Variants in SLC24A3 observed in about 807,000 individuals in gnomAD.
SLC24A3 encodes the protein sodium/potassium/calcium exchanger 3.
SLC24A3 carries 28 observed loss-of-function variants against 75.8 expected under a neutral mutation model. The observed-to-expected ratio is 0.37, with a 90% CI of 0.27 to 0.51. The LOEUF is 0.51. SLC24A3 is among the 20% of genes least tolerant of loss of function. The pLI is 0.94. For synonymous variants in SLC24A3, 372 were observed against 334.1 expected (o/e 1.11, Z -1.24); for missense variants, 663 against 847.8 (o/e 0.78, Z 2.71).
chr20:19,488,901 C>G (rs1338854086), intron 2 of SLC24A3, among the ~76,000 whole-genome samples: 1 of 152,184 alleles, frequency 6.6e-6, no homozygotes. Flanking sequence ...TCTCAGCCCA[C>G]CAATGTGGCA....
chr20:19,669,272 C>A (rs2032436505), intron 8 of SLC24A3, among the ~76,000 whole-genome samples: 1 of 152,144 alleles, frequency 6.6e-6, no homozygotes, highest in South Asian at 2.1e-4. Flanking sequence ...GAGGCTGAGG[C>A]AGGTGGATCA....
In SLC24A3 at chr20:19,280,991, A is replaced by C; in HGVS notation, c.175A>C (p.Arg59=). 1 of 1,614,042 alleles carries C rather than the reference A, an allele frequency of 6.2e-7. No individual in the cohort carries two copies. ...CCTCATGGACCTCGTAGGGGAAGAC[A>C]GAAAGTGGATGATGGCGAGGAAGCT... ...LDLMDLVGED[R]KWMMARKLMQ... Residue 59 remains arginine (R), a synonymous_variant, in exon 2 of 17, where the codon AGA becomes CGA. Transcript: ENST00000328041.
intron 6 of SLC24A3, among the ~76,000 whole-genome samples, chr20:19,646,870 T>TGTGTGTGTGTGTGTGTGTGTG (rs71198019): frequency 6.6e-6 from 1 of 151,966 alleles, no homozygotes; most frequent in African/African-American, 2.4e-5. Context: ...TGTGTGTGTG[T>TGTGTGTGTGTGTGTGTGTGTG]TTATGCTTTC....
intron 1 of SLC24A3, among the ~76,000 whole-genome samples, chr20:19,245,419 C>G (rs757097460): frequency 2.6e-5 from 4 of 152,078 alleles, no homozygotes; most frequent in Non-Finnish European, 5.9e-5. Context: ...AAATCAATGA[C>G]TACATAAGTG....
At chr20:19,413,206 C>T (rs1177025629) in intron 2 of SLC24A3, among the ~76,000 whole-genome samples, 1 of 152,146 alleles carries the variant, frequency 6.6e-6, no homozygotes, top group Non-Finnish European at 1.5e-5. Flanking sequence ...TAGCTAGTTA[C>T]ATTTTCATAA....
intron 2 of SLC24A3, among the ~76,000 whole-genome samples, chr20:19,477,088 C>G (rs1987973810): frequency 6.6e-6 from 1 of 152,002 alleles, no homozygotes; most frequent in Non-Finnish European, 1.5e-5. Flanking sequence ...GACAGCTGAG[C>G]TGACACAGGG....
intron 2 of SLC24A3, among the ~76,000 whole-genome samples, chr20:19,369,731 T>C (rs2122354322): frequency 6.6e-6 from 1 of 152,302 alleles, no homozygotes; most frequent in East Asian, 1.9e-4. Flanking sequence ...AATGTCCTTG[T>C]TCTTAGGAAA....
In SLC24A3 at chr20:19,721,058, A is replaced by G; in HGVS notation, c.1853A>G (p.Tyr618Cys). 6.2e-7 allele frequency: 1 copy of G among 1,613,916 alleles called. No homozygotes were observed. The highest frequency in any genetic ancestry group is 8.5e-7 in the Non-Finnish European group (1 of 1,179,966). ...CTGGGCTGTGGGTGCCTCCTCCTGT[A>G]TGGTGTGTTCCTGTGCTTCTCCATC... The part of the protein sequence containing the change: ...KKLGCGCLLL[Y>C]GVFLCFSIMT... The change falls in exon 17 of 17, where the codon TAT (tyrosine) becomes TGT (cysteine). Residue 618 changes from tyrosine (Y) to cysteine (C), a missense_variant. Tyr to Cys is a radical substitution (Grantham distance 194). Around this residue, in one of 2 missense-constraint regions of SLC24A3, gnomAD observed 510 missense variants for 703.6 expected, o/e 0.72. Coordinates refer to ENST00000328041, the MANE Select transcript of SLC24A3 (RefSeq NM_020689.4).
At chr20:19,482,304 TTCAGCTG>T (rs1477197877) in intron 2 of SLC24A3, among the ~76,000 whole-genome samples, 4 of 152,174 alleles carry the variant, frequency 2.6e-5, no homozygotes, top group Non-Finnish European at 5.9e-5. Flanking sequence ...ATTCTCCTTC[TTCAGCTG>T]TCAACACCAT....
chr20:19,537,813 G>A (rs2030426075), intron 3 of SLC24A3, among the ~76,000 whole-genome samples: 1 of 150,096 alleles, frequency 6.7e-6, no homozygotes, highest in Non-Finnish European at 1.5e-5. Context: ...TCACTCATAG[G>A]TGGGAATTGA....
intron 15 of SLC24A3, among the ~76,000 whole-genome samples, chr20:19,703,915 C>T (rs2032900123): frequency 6.6e-6 from 1 of 152,184 alleles, no homozygotes; most frequent in Admixed American, 6.5e-5. Flanking sequence ...CTAGCTCATC[C>T]TTCAGGTATC....
At chr20:19,395,075 A>G (rs1986430513) in intron 2 of SLC24A3, among the ~76,000 whole-genome samples, 1 of 152,234 alleles carries the variant, frequency 6.6e-6, no homozygotes, top group Non-Finnish European at 1.5e-5. Flanking sequence ...TATGGATGAA[A>G]TAAGTCAGTT....
rs1187958053 is a variant in SLC24A3 at position 19,685,190 on chromosome 20, A to G, written c.1153A>G (p.Thr385Ala). ...IPIKHTVENGTGPSSAPDRGV... is the reference protein window; with the variant it reads ...IPIKHTVENGAGPSSAPDRGV... ...AATTAAGCACACCGTGGAGAATGGG[A>G]CAGGGCCCAGCAGTGCCCCAGACAG... The change falls in exon 12 of 17, where the codon ACA becomes GCA. Residue 385 changes from threonine to alanine, a missense_variant. Physicochemically the swap from Thr to Ala is moderately conservative, Grantham distance 58 (BLOSUM62 0). Transcript: ENST00000328041. 1 of 1,614,078 alleles carries G rather than the reference A, an allele frequency of 6.2e-7. No individual in the cohort carries two copies. Among genetic ancestry groups the G allele is most frequent in the Non-Finnish European group, 8.5e-7 (1 of 1,180,046 alleles).
chr20:19,508,086 G>A (rs1988485942), intron 2 of SLC24A3, among the ~76,000 whole-genome samples: 1 of 152,226 alleles, frequency 6.6e-6, no homozygotes, highest in South Asian at 2.1e-4. Flanking sequence ...GCCACAGAAA[G>A]AGAGGCAGGG....
chr20:19,377,764 G>A (rs941240850), intron 2 of SLC24A3, among the ~76,000 whole-genome samples: 3 of 152,172 alleles, frequency 2.0e-5, no homozygotes, highest in Non-Finnish European at 4.4e-5. Flanking sequence ...TAATCTGTTT[G>A]TGGTCCTTCC....
chr20:19,251,559 G>A (rs1220326904), intron 1 of SLC24A3, among the ~76,000 whole-genome samples: 1 of 152,130 alleles, frequency 6.6e-6, no homozygotes, highest in African/African-American at 2.4e-5. Context: ...CACTGCAGGG[G>A]ACAACGAGGG....
intron 1 of SLC24A3, among the ~76,000 whole-genome samples, chr20:19,221,694 C>T (rs796413379): frequency 2.0e-4 from 30 of 152,276 alleles, no homozygotes; most frequent in African/African-American, 7.0e-4. Flanking sequence ...TCTGAGAAAT[C>T]TGCTGCTGTC....
chr20:19,541,059 C>A (rs2122587098), intron 3 of SLC24A3, among the ~76,000 whole-genome samples: 1 of 152,316 alleles, frequency 6.6e-6, no homozygotes, highest in South Asian at 2.1e-4. Context: ...TTTAAGAAAA[C>A]CCCATACACA....
intron 3 of SLC24A3, among the ~76,000 whole-genome samples, chr20:19,519,329 T>G (rs1260642980): frequency 6.6e-6 from 1 of 152,228 alleles, no homozygotes; most frequent in East Asian, 1.9e-4. Context: ...TTCTTTTTGT[T>G]TTTTCTTGTA....
Sources: allele counts gnomAD v4.1 joint callset (sites outside exome capture counted in the v4.1 genomes callset), GRCh38; gene constraint gnomAD v4.1.1; regional missense constraint gnomAD v4.1.1; transcripts MANE v1.5; gene names NCBI Gene and HGNC (gene_info 2026-07-23, HGNC 2026-07-21).